The following TTC7A variants were observed in gnomAD, a reference collection of about 807,000 sequenced individuals.
TTC7A encodes the protein tetratricopeptide repeat protein 7A.
In TTC7A, 110 loss-of-function variants were observed where a neutral mutation model predicts 103.7. That is an observed-to-expected ratio of 1.06 (90% confidence interval 0.91 to 1.24). The LOEUF is 1.24. Among genes scored for constraint, TTC7A ranks in the 50% most tolerant of loss-of-function variants. The pLI, the probability that TTC7A is intolerant of heterozygous loss-of-function variation, is 0.00. For synonymous variants in TTC7A, 521 were observed against 467.9 expected (o/e 1.11, Z -1.47); for missense variants, 1,340 against 1,116.3 (o/e 1.20, Z -2.86).
intron 2 of TTC7A, among the ~76,000 whole-genome samples, chr2:46,926,974 G>GGATA (rs55688290): frequency 0.15 from 22,853 of 151,796 alleles, 2,659 homozygotes; most frequent in African/African-American, 0.33. Context: ...AAAATATAAC[G>GGATA]GATAGATTGA....
intron 15 of TTC7A, among the ~76,000 whole-genome samples, chr2:47,038,009 G>T (rs1016837764): frequency 6.6e-6 from 1 of 152,146 alleles, no homozygotes; most frequent in Non-Finnish European, 1.5e-5. Context: ...CCAGCACTTT[G>T]GGATGCCGAG....
intron 2 of TTC7A, among the ~76,000 whole-genome samples, chr2:46,923,248 G>A (rs1669198532): frequency 6.6e-6 from 1 of 152,194 alleles, no homozygotes; most frequent in African/African-American, 2.4e-5. Context: ...TTAGTCATTG[G>A]TGATCAACTT....
Position 47,073,859 on chromosome 2 carries a change from C to T in TTC7A, c.2513C>T (p.Thr838Ile). The change falls in exon 20 of 20, where the codon ACC (threonine) becomes ATC (isoleucine). Residue 838 changes from threonine (T) to isoleucine (I), a missense_variant. Transcript: ENST00000319190. ...GAGGCTGCCGTTGACTGCTTCCTCA[C>T]CGCCCTTGAGCTGGAGGCCAGCAGC... Reference protein sequence around the residue: ...QNEAAVDCFLTALELEASSPV... With the variant: ...QNEAAVDCFLIALELEASSPV... 6.2e-7 allele frequency: 1 copy of T among 1,613,758 alleles called. No homozygotes were observed. Among genetic ancestry groups the T allele is most frequent in the African/African-American group, 1.3e-5 (1 of 75,060 alleles).
intron 1 of TTC7A, chr2:46,917,081 T>C (rs1188640894): frequency 8.9e-6 from 6 of 675,594 alleles, no homozygotes; most frequent in Non-Finnish European, 1.1e-5. Context: ...CCACTGCCAT[T>C]GACGGTCTCA....
intron 15 of TTC7A, among the ~76,000 whole-genome samples, chr2:47,036,593 C>T (rs1405641372): frequency 2.0e-5 from 3 of 152,126 alleles, no homozygotes; most frequent in Non-Finnish European, 2.9e-5. Context: ...ATCATACCCT[C>T]TAGGCTGGGC....
At chr2:47,054,340 G>C (rs776388727) in intron 18 of TTC7A, 3 of 213,036 alleles carry the variant, frequency 1.4e-5, no homozygotes, top group Non-Finnish European at 1.6e-5. Context: ...ATGTGGTCCA[G>C]GATGGCTCTC....
chr2:47,009,380 C>A (rs1477894281), intron 10 of TTC7A, among the ~76,000 whole-genome samples: 1 of 152,136 alleles, frequency 6.6e-6, no homozygotes, highest in African/African-American at 2.4e-5. Flanking sequence ...GAGGAAAGAG[C>A]CATGACCTCA....
chr2:47,059,009 C>CTTTTTTTTTTT lies in TTC7A; in HGVS notation c.2153-1740_2153-1730dup, dbSNP rs35753980. Among the ~76,000 whole-genome samples the CTTTTTTTTTTT allele has an allele frequency of 1.3e-3, 59 of 44,718 alleles. 12 individuals are homozygous for CTTTTTTTTTTT. Among genetic ancestry groups the CTTTTTTTTTTT allele is most frequent in the African/African-American group, 6.9e-3 (57 of 8,318 alleles). The allele number at this position is 44,718 out of a possible 152,430, so 29.3% of individuals were successfully genotyped here. A position where few individuals can be genotyped will look rare whatever the true frequency, so the allele number is the denominator to read the frequency against. ...GTGGGGTCCTCACCTCCTAAGCCTG[C>CTTTTTTTTTTT]TTTTTTTTTTTTTTTTTTTTTTTTT... On this transcript the variant is annotated intron_variant, in intron 18 of 19. Coordinates refer to ENST00000319190, the MANE Select transcript of TTC7A (RefSeq NM_020458.4).
chr2:46,927,900 T>G (rs1669478709), intron 2 of TTC7A, among the ~76,000 whole-genome samples: 1 of 134,154 alleles, frequency 7.5e-6, no homozygotes, highest in African/African-American at 2.8e-5. Flanking sequence ...TTTTTTTTTT[T>G]TTTTTTTTTT....
At chr2:46,971,856 C>T (rs1673384446) in intron 3 of TTC7A, among the ~76,000 whole-genome samples, 1 of 151,950 alleles carries the variant, frequency 6.6e-6, no homozygotes, top group South Asian at 2.1e-4. Context: ...ATTGATTCTT[C>T]CCGTTGGGAA....
intron 2 of TTC7A, among the ~76,000 whole-genome samples, chr2:46,932,995 G>A (rs1669792186): frequency 6.6e-6 from 1 of 152,092 alleles, no homozygotes; most frequent in African/African-American, 2.4e-5. Context: ...GCTAGCCTTA[G>A]GAGTGATGGG....
At position 46,981,790 on chromosome 2, in the gene TTC7A, A is replaced by G. The variant is rs183753127; in HGVS notation, c.764+2883A>G. Reference sequence around the variant, plus strand: ...TCCATCTAGCAGGTATCCCTGCCCAATGGAGCTGCTTATCAGTAACCTTGA... The same window carrying G: ...TCCATCTAGCAGGTATCCCTGCCCAGTGGAGCTGCTTATCAGTAACCTTGA... On this transcript the variant is annotated intron_variant, in intron 5 of 19. Coordinates refer to ENST00000319190, the MANE Select transcript of TTC7A (RefSeq NM_020458.4). Among the ~76,000 whole-genome samples, 29 of 152,316 alleles carry G rather than the reference A, an allele frequency of 1.9e-4. No individual in the cohort carries two copies. The East Asian group carries it at 3.3e-3, about 17-fold the overall frequency.
chr2:47,029,724 G>T (rs893940573), intron 15 of TTC7A, among the ~76,000 whole-genome samples: 4 of 152,228 alleles, frequency 2.6e-5, no homozygotes, highest in African/African-American at 7.2e-5. Context: ...CAGGATGACA[G>T]TAACTTGTGT....
upstream of TTC7A, among the ~76,000 whole-genome samples, chr2:46,938,785 G>A (rs1376777051): frequency 7.9e-5 from 12 of 152,074 alleles, no homozygotes; most frequent in African/African-American, 2.9e-4. Flanking sequence ...AGGCCAAGGC[G>A]GGCAGATCAT....
chr2:46,944,857 A>G (rs773440625), intron 1 of TTC7A, among the ~76,000 whole-genome samples: 1 of 152,124 alleles, frequency 6.6e-6, no homozygotes, highest in Non-Finnish European at 1.5e-5. Flanking sequence ...ACTCTTTTTG[A>G]AAATATAGCC....
At chr2:47,002,571 G>A (rs1296903267) in intron 8 of TTC7A, among the ~76,000 whole-genome samples, 3 of 152,250 alleles carry the variant, frequency 2.0e-5, no homozygotes, top group African/African-American at 7.2e-5. Context: ...TGAGGGCAGT[G>A]AGCCAGGGAG....
At chr2:47,012,898 C>G (rs1678232410) in intron 11 of TTC7A, among the ~76,000 whole-genome samples, 1 of 152,172 alleles carries the variant, frequency 6.6e-6, no homozygotes, top group African/African-American at 2.4e-5. Context: ...TGGCATCTGG[C>G]TCGTGTTCTT....
intron 8 of TTC7A, among the ~76,000 whole-genome samples, chr2:47,000,636 A>G (rs1156539818): frequency 6.6e-6 from 1 of 152,206 alleles, no homozygotes; most frequent in Non-Finnish European, 1.5e-5. Flanking sequence ...TGGGGACGAC[A>G]GCACAGGGGG....
intron 16 of TTC7A, chr2:47,047,184 G>C: frequency 1.3e-6 from 1 of 782,004 alleles, no homozygotes; most frequent in Non-Finnish European, 2.1e-6. Context: ...TGATCCTCTT[G>C]TCCTTCTTTG....
Sources: gnomAD v4.1 joint callset for allele counts (sites outside exome capture counted in the v4.1 genomes callset) on GRCh38, gnomAD v4.1.1 for gene constraint, MANE v1.5 for transcripts, NCBI Gene and HGNC (gene_info 2026-07-23, HGNC 2026-07-21) for gene names.